SLAIN2: variants seen among roughly 807,000 people sequenced by gnomAD.
SLAIN2 encodes SLAIN family member 2.
A neutral mutation model predicts 56.6 loss-of-function variants in SLAIN2; 31 were observed. The observed-to-expected ratio is 0.55, with a 90% CI of 0.41 to 0.74. SLAIN2 has a LOEUF of 0.74. Among genes scored for constraint, SLAIN2 ranks in the 30% least tolerant of loss-of-function variants. The pLI is 0.00. For synonymous variants in SLAIN2, 317 were observed against 284.9 expected (o/e 1.11, Z -1.13); for missense variants, 777 against 754.2 (o/e 1.03, Z -0.35).
At chr4:48,359,597 C>G (rs1715261401) in intron 1 of SLAIN2, among the ~76,000 whole-genome samples, 1 of 152,138 alleles carries the variant, frequency 6.6e-6, no homozygotes, top group African/African-American at 2.4e-5. Flanking sequence ...GAGAGACATA[C>G]TCCAAATTGT....
chr4:48,345,167 G>A (rs1239068695), intron 1 of SLAIN2, among the ~76,000 whole-genome samples: 2 of 152,140 alleles, frequency 1.3e-5, no homozygotes, highest in African/African-American at 2.4e-5. Flanking sequence ...CATAGACTAT[G>A]CTGTTCCCAC....
At chr4:48,403,760 G>A (rs1716619435) in intron 6 of SLAIN2, among the ~76,000 whole-genome samples, 3 of 152,236 alleles carry the variant, frequency 2.0e-5, no homozygotes, top group African/African-American at 7.2e-5. Context: ...GTAATGCATG[G>A]AGGGATCTCC....
At chr4:48,420,549 T>A in intron 7 of SLAIN2, 106 bp downstream of exon 7, 1 of 1,290,554 alleles carries the variant, frequency 7.7e-7, no homozygotes, top group Non-Finnish European at 1.1e-6. Flanking sequence ...AAAGTCATGG[T>A]GGATTCCCAC....
chr4:48,385,655 G>A (rs571495192), intron 6 of SLAIN2, among the ~76,000 whole-genome samples: 189 of 143,702 alleles, frequency 1.3e-3, no homozygotes, highest in African/African-American at 4.8e-3. Flanking sequence ...TTTTGATTGA[G>A]TCAGGGTTTC....
At chr4:48,406,461 T>C (rs78051350) in intron 6 of SLAIN2, among the ~76,000 whole-genome samples, 7,535 of 152,058 alleles carry the variant, frequency 0.05, 269 homozygotes, top group Admixed American at 0.11. Context: ...GGAATAACAT[T>C]AGCGTAACAT....
At chr4:48,364,734 G>A (rs1408684318) in intron 1 of SLAIN2, among the ~76,000 whole-genome samples, 4 of 137,708 alleles carry the variant, frequency 2.9e-5, no homozygotes, top group African/African-American at 1.1e-4. Flanking sequence ...GCGTGGCGGC[G>A]CGTGCCTGCA....
At chr4:48,351,134 G>A (rs1714999280) in intron 1 of SLAIN2, among the ~76,000 whole-genome samples, 1 of 152,208 alleles carries the variant, frequency 6.6e-6, no homozygotes, top group African/African-American at 2.4e-5. Flanking sequence ...CCAATTATGT[G>A]TGGCTCTTGA....
At chr4:48,344,008 T>G (rs1466790976) in intron 1 of SLAIN2, among the ~76,000 whole-genome samples, 1 of 152,228 alleles carries the variant, frequency 6.6e-6, no homozygotes, top group Non-Finnish European at 1.5e-5. Context: ...CCATTTTAGA[T>G]TATGTATTAT....
intron 1 of SLAIN2, among the ~76,000 whole-genome samples, chr4:48,359,086 AT>A (rs1284586503): frequency 2.0e-5 from 3 of 152,172 alleles, no homozygotes; most frequent in African/African-American, 4.8e-5. Flanking sequence ...ATGGAAACAA[AT>A]TACAATCTCA....
At chr4:48,403,093 A>G (rs1464717489) in intron 6 of SLAIN2, among the ~76,000 whole-genome samples, 4 of 152,076 alleles carry the variant, frequency 2.6e-5, no homozygotes, top group African/African-American at 9.7e-5. Context: ...TTCCTCTGGG[A>G]GCTCCGTCCC....
intron 2 of SLAIN2, among the ~76,000 whole-genome samples, chr4:48,370,802 T>G (rs1359713759): frequency 6.6e-6 from 1 of 152,228 alleles, no homozygotes; most frequent in Non-Finnish European, 1.5e-5. Flanking sequence ...TGTTGTTGTT[T>G]TTCTGGTTTT....
chr4:48,389,883 C>T (rs1216051485), intron 6 of SLAIN2, among the ~76,000 whole-genome samples: 2 of 151,992 alleles, frequency 1.3e-5, no homozygotes, highest in Non-Finnish European at 2.9e-5. Context: ...TGGGAGGAGC[C>T]ATATTTGGCT....
At chr4:48,352,996 T>C (rs1715052706) in intron 1 of SLAIN2, among the ~76,000 whole-genome samples, 1 of 152,124 alleles carries the variant, frequency 6.6e-6, no homozygotes, top group African/African-American at 2.4e-5. Flanking sequence ...TCTTCCTCAT[T>C]CTCCCTTTGC....
intron 6 of SLAIN2, among the ~76,000 whole-genome samples, chr4:48,408,682 G>A (rs1413521204): frequency 1.3e-5 from 2 of 151,888 alleles, no homozygotes; most frequent in African/African-American, 2.4e-5. Context: ...AAAGAGTCAC[G>A]TTTTTAAGTT....
Position 48,420,302 on chromosome 4 carries a change from ATC to A in SLAIN2, c.1539_1540del (p.Pro514SerfsTer52). On this transcript the variant is annotated frameshift_variant, in exon 7 of 8. Transcript: ENST00000264313. LOFTEE classifies it high-confidence loss of function. ...ATGGTTCAGAGCACAGTCTCAGCAAATCCTCCCAGCAATATCAACAGCGCTAC... is the reference window on the plus strand; with the variant it reads ...ATGGTTCAGAGCACAGTCTCAGCAAACTCCCAGCAATATCAACAGCGCTAC... The A allele has an allele frequency of 6.2e-7, 1 of 1,613,864 alleles. No individual in the cohort carries two copies. Among genetic ancestry groups the A allele is most frequent in the African/African-American group, 1.3e-5 (1 of 75,006 alleles).
chr4:48,363,905 C>G (rs1256912184), intron 1 of SLAIN2, among the ~76,000 whole-genome samples: 2 of 126,118 alleles, frequency 1.6e-5, no homozygotes, highest in Admixed American at 7.5e-5. Flanking sequence ...CCGGACGGCA[C>G]GGCTGGCCAG....
chr4:48,344,417 C>T (rs1331887460), intron 1 of SLAIN2, among the ~76,000 whole-genome samples: 2 of 151,984 alleles, frequency 1.3e-5, no homozygotes, highest in Admixed American at 6.6e-5. Context: ...TGTTTCCTCC[C>T]GAGTGTATGT....
In SLAIN2 at chr4:48,364,202, C is replaced by G. The variant is rs1223346570; in HGVS notation, c.390-5647C>G. Among the ~76,000 whole-genome samples, 12 of 53,734 alleles carry G rather than the reference C, an allele frequency of 2.2e-4. 2 individuals carry two copies. The highest frequency in any genetic ancestry group is 4.2e-5 in the Non-Finnish European group (1 of 23,752). The allele number at this position is 53,734 out of a possible 152,430, so 35.3% of individuals were successfully genotyped here. A position where few individuals can be genotyped will look rare whatever the true frequency, so the allele number is the denominator to read the frequency against. On this transcript the variant is annotated intron_variant, in intron 1 of 7. Transcript: ENST00000264313. ...ACGCTCCTCACCTCCCAGACGGGGT[C>G]TCGGCCGGGCAGAGGCGCTCCTCAC...
chr4:48,351,113 T>C (rs1231656597), intron 1 of SLAIN2, among the ~76,000 whole-genome samples: 1 of 152,152 alleles, frequency 6.6e-6, no homozygotes, highest in Non-Finnish European at 1.5e-5. Flanking sequence ...TGTGAGACAG[T>C]AAGAAAGTAC....
Sources: gnomAD v4.1 joint callset for allele counts (sites outside exome capture counted in the v4.1 genomes callset) on GRCh38, gnomAD v4.1.1 for gene constraint, MANE v1.5 for transcripts, NCBI Gene and HGNC (gene_info 2026-07-23, HGNC 2026-07-21) for gene names.